VPS41: variants seen among roughly 807,000 people sequenced by gnomAD.
VPS41 encodes vacuolar protein sorting-associated protein 41 homolog.
Under a neutral mutation model 130.9 loss-of-function variants are expected in VPS41, and 85 were observed. The ratio of observed to expected loss-of-function variants is 0.65; its 90% confidence interval spans 0.55 to 0.78. The LOEUF (loss-of-function observed/expected upper bound fraction) is 0.78, where lower values mean the gene tolerates loss of function less well. Among genes scored for constraint, VPS41 ranks in the 30% least tolerant of loss-of-function variants. The pLI, the probability that VPS41 is intolerant of heterozygous loss-of-function variation, is 0.00. For synonymous variants in VPS41, 335 were observed against 332.9 expected (o/e 1.01, Z -0.07); for missense variants, 874 against 1,018.7 (o/e 0.86, Z 1.93).
chr7:38,726,767 A>AT, intron 28 of VPS41, 142 bp downstream of exon 28: 1 of 641,980 alleles, frequency 1.6e-6, no homozygotes. Context: ...AACTAGATTA[A>AT]TTTTTGTTAT....
intron 2 of VPS41, among the ~76,000 whole-genome samples, chr7:38,877,861 GCTCT>G (rs1203658044): frequency 6.6e-6 from 1 of 152,086 alleles, no homozygotes; most frequent in Non-Finnish European, 1.5e-5. Flanking sequence ...ATGATTTCTA[GCTCT>G]CCCACCAACC....
chr7:38,862,398 A>G (rs975073501), intron 4 of VPS41, 147 bp downstream of exon 4: 40 of 476,266 alleles, frequency 8.4e-5, no homozygotes, highest in African/African-American at 5.6e-4. Flanking sequence ...AATATATTAT[A>G]AAGTTCAAAT....
intron 1 of VPS41, among the ~76,000 whole-genome samples, chr7:38,900,968 A>G (rs1787127125): frequency 6.6e-6 from 1 of 152,256 alleles, no homozygotes; most frequent in Admixed American, 6.5e-5. Context: ...CCTCATTAAG[A>G]AATCCAAGAA....
Position 38,821,227 on chromosome 7 carries a change from G to C in VPS41, c.360C>G (p.His120Gln), listed in dbSNP as rs185117316. 3.1e-6 allele frequency: 5 copies of C among 1,613,600 alleles called. No homozygotes were observed. Among genetic ancestry groups the C allele is most frequent in the South Asian group, 1.1e-5 (1 of 91,042 alleles). ...CTTTAATGGGACAGTCAAAAGTCTC[G>C]TGAAATTCTTCTCCAGAATACAGTC... The part of the protein sequence containing the change: ...VFGLYSGEEF[H>Q]ETFDCPIKII... Residue 120 changes from histidine to glutamine, a missense_variant, in exon 6 of 29, where the codon CAC becomes CAG. His to Gln is a conservative substitution (Grantham distance 24, BLOSUM62 0). Coordinates refer to ENST00000310301, the MANE Select transcript of VPS41 (RefSeq NM_014396.4).
Position 38,763,691 on chromosome 7 carries a change from T to C in VPS41, c.1330-144A>G, listed in dbSNP as rs1195984331. On this transcript the variant is annotated intron_variant, in intron 16 of 28. Coordinates refer to ENST00000310301, the MANE Select transcript of VPS41 (RefSeq NM_014396.4). ...TCTGAAAAAAATGTTTTGAACAGGA[T>C]TTAAATGAAAACTACTTTCTAACAA... 1.7e-5 allele frequency: 9 copies of C among 518,330 alleles called. No individual in the cohort carries two copies. The Middle Eastern group carries it at 1.5e-3, about 89-fold the overall frequency. The allele number at this position is 518,330 out of a possible 1,614,324, so 32.1% of individuals were successfully genotyped here.
intron 2 of VPS41, among the ~76,000 whole-genome samples, chr7:38,880,833 C>G (rs969251515): frequency 3.9e-5 from 6 of 152,104 alleles, no homozygotes; most frequent in Non-Finnish European, 5.9e-5. Flanking sequence ...AGAATCAGGC[C>G]CTAATTGTCA....
intron 25 of VPS41, among the ~76,000 whole-genome samples, chr7:38,733,349 T>G (rs1452015348): frequency 6.6e-6 from 1 of 152,236 alleles, no homozygotes; most frequent in Admixed American, 6.5e-5. Flanking sequence ...TTTGTTTATT[T>G]CAGGTGTTGA....
At chr7:38,898,529 T>C (rs1787065131) in intron 1 of VPS41, among the ~76,000 whole-genome samples, 1 of 152,244 alleles carries the variant, frequency 6.6e-6, no homozygotes, top group Non-Finnish European at 1.5e-5. Flanking sequence ...GTGCTATTAA[T>C]TATCATGCTA....
At chr7:38,768,412 AATGGC>A (rs998893830) in intron 14 of VPS41, among the ~76,000 whole-genome samples, 2 of 152,310 alleles carry the variant, frequency 1.3e-5, no homozygotes, top group African/African-American at 4.8e-5. Flanking sequence ...CAAAAAAAAA[AATGGC>A]AGGAGCCCAT....
At chr7:38,758,616 T>C in intron 17 of VPS41, 135 bp from the exon 18 acceptor site, 1 of 892,034 alleles carries the variant, frequency 1.1e-6, no homozygotes, top group East Asian at 2.7e-5. Context: ...TCTAAAATGA[T>C]GTGTCTTCTT....
intron 2 of VPS41, among the ~76,000 whole-genome samples, chr7:38,871,350 C>A (rs1786354861): frequency 1.3e-5 from 2 of 152,124 alleles, no homozygotes; most frequent in Admixed American, 6.5e-5. Context: ...ACCTGTGGGG[C>A]AAGGGATTGC....
At chr7:38,802,686 A>T (rs955191313) in intron 7 of VPS41, among the ~76,000 whole-genome samples, 3 of 152,170 alleles carry the variant, frequency 2.0e-5, no homozygotes, top group Non-Finnish European at 4.4e-5. Context: ...TACTAATTTA[A>T]CTACCTCAAA....
intron 14 of VPS41, among the ~76,000 whole-genome samples, chr7:38,768,132 G>T (rs1350780466): frequency 2.0e-5 from 3 of 152,136 alleles, no homozygotes; most frequent in Non-Finnish European, 4.4e-5. Context: ...AGAAGAAATT[G>T]GGCTGAAAGC....
chr7:38,843,395 ATGAC>A (rs1384369506), intron 4 of VPS41, among the ~76,000 whole-genome samples: 3 of 152,324 alleles, frequency 2.0e-5, no homozygotes, highest in East Asian at 1.9e-4. Context: ...TTAAAACTGA[ATGAC>A]TGGCCGGGCG....
chr7:38,774,049 G>T (rs896774077), intron 12 of VPS41, 66 bp downstream of exon 12: 2 of 1,417,488 alleles, frequency 1.4e-6, no homozygotes, highest in Non-Finnish European at 1.9e-6. Flanking sequence ...TCCATTTATT[G>T]CAAGTAGGAA....
chr7:38,860,814 C>T (rs1348505596), intron 4 of VPS41, among the ~76,000 whole-genome samples: 2 of 151,676 alleles, frequency 1.3e-5, no homozygotes, highest in African/African-American at 4.8e-5. Context: ...GTTAGGCAGA[C>T]ATACGCTTGG....
intron 7 of VPS41, among the ~76,000 whole-genome samples, chr7:38,797,963 A>C (rs964872828): frequency 2.0e-5 from 3 of 152,198 alleles, no homozygotes; most frequent in Non-Finnish European, 4.4e-5. Flanking sequence ...GTGACTTCAC[A>C]ACTTCCACAG....
chr7:38,867,283 C>G (rs990735728), intron 3 of VPS41, among the ~76,000 whole-genome samples: 4 of 151,786 alleles, frequency 2.6e-5, no homozygotes, highest in African/African-American at 7.3e-5. Context: ...TGGTGGCTCA[C>G]GCCTGTAATC....
intron 4 of VPS41, among the ~76,000 whole-genome samples, chr7:38,848,309 C>G (rs1487626057): frequency 6.6e-6 from 1 of 150,706 alleles, no homozygotes; most frequent in Non-Finnish European, 1.5e-5. Context: ...ATACCCACTC[C>G]TCCCAAATAA....
Sources: gnomAD v4.1 joint callset for allele counts (sites outside exome capture counted in the v4.1 genomes callset) on GRCh38, gnomAD v4.1.1 for gene constraint, MANE v1.5 for transcripts, NCBI Gene and HGNC (gene_info 2026-07-23, HGNC 2026-07-21) for gene names.